DLG2: variants seen among roughly 807,000 people sequenced by gnomAD.
DLG2 encodes the protein disks large homolog 2.
A neutral mutation model predicts 132.5 loss-of-function variants in DLG2; 45 were observed. The observed-to-expected ratio is 0.34, with a 90% CI of 0.27 to 0.44. The LOEUF (loss-of-function observed/expected upper bound fraction) is 0.44, where lower values mean the gene tolerates loss of function less well. DLG2 is among the 20% of genes least tolerant of loss of function. The pLI is 1.00. For synonymous variants in DLG2, 424 were observed against 419.6 expected (o/e 1.01, Z -0.13); for missense variants, 1,045 against 1,196.9 (o/e 0.87, Z 1.87).
Position 84,128,142 on chromosome 11 carries a change from T to A in DLG2, c.625-29095A>T, listed in dbSNP as rs558309121. 5.3e-5 allele frequency among the ~76,000 whole-genome samples: 8 copies of A among 152,318 alleles called. No individual in the cohort carries two copies. In the East Asian group the frequency reaches 9.6e-4, roughly 18 times the overall value. ...GTTTAATAAATAAGTGTGGAATGAA[T>A]GGACTATAAGCCATTTAATAGGGGT... On this transcript the variant is annotated intron_variant, in intron 9 of 27. Coordinates refer to ENST00000376104, the MANE Select transcript of DLG2 (RefSeq NM_001142699.3).
chr11:85,408,674 A>G (rs2089018055), intron 3 of DLG2, among the ~76,000 whole-genome samples: 1 of 150,712 alleles, frequency 6.6e-6, no homozygotes, highest in African/African-American at 2.4e-5. Flanking sequence ...GCGATAGTTT[A>G]CTGAGAATGA....
At chr11:83,866,091 G>C (rs1179668615) in intron 16 of DLG2, among the ~76,000 whole-genome samples, 1 of 151,014 alleles carries the variant, frequency 6.6e-6, no homozygotes, top group African/African-American at 2.4e-5. Flanking sequence ...TTTTTTCACA[G>C]AGCTTGACAC....
intron 17 of DLG2, among the ~76,000 whole-genome samples, chr11:83,822,599 C>T (rs117323256): frequency 0.028 from 4,237 of 152,228 alleles, 84 homozygotes; most frequent in Middle Eastern, 0.082. Flanking sequence ...CCCACACTAA[C>T]GTGTAAGGTG....
intron 7 of DLG2, chr11:84,316,943 C>A (rs1056093089): frequency 6.2e-7 from 1 of 1,612,820 alleles, no homozygotes; most frequent in South Asian, 1.1e-5. Context: ...CCTGTTGAAG[C>A]TGGACCCCCC....
At chr11:83,810,853 G>A (rs1202000714) in intron 17 of DLG2, among the ~76,000 whole-genome samples, 2 of 152,066 alleles carry the variant, frequency 1.3e-5, no homozygotes. Context: ...GATAGCCTCT[G>A]TTCTTGAGGA....
At chr11:83,971,250 G>A (rs1012408653) in intron 12 of DLG2, among the ~76,000 whole-genome samples, 5 of 152,010 alleles carry the variant, frequency 3.3e-5, no homozygotes, top group Admixed American at 2.6e-4. Flanking sequence ...CCACACAGAC[G>A]GGGACATATG....
intron 6 of DLG2, among the ~76,000 whole-genome samples, chr11:84,741,343 C>T (rs1672880948): frequency 6.6e-6 from 1 of 152,004 alleles, no homozygotes. Context: ...CGTGAGCCAC[C>T]GCGCCCGGCC....
At chr11:85,581,490 C>T (rs2153228885) in intron 3 of DLG2, among the ~76,000 whole-genome samples, 1 of 151,010 alleles carries the variant, frequency 6.6e-6, no homozygotes, top group Admixed American at 6.6e-5. Context: ...TGGTGGCGTG[C>T]ACCTGTAGTC....
At chr11:84,524,248 T>C (rs1225031847) in intron 7 of DLG2, among the ~76,000 whole-genome samples, 4 of 152,214 alleles carry the variant, frequency 2.6e-5, no homozygotes, top group Non-Finnish European at 5.9e-5. Flanking sequence ...ATGACTTTGG[T>C]TCTAAAAAGA....
At chr11:85,369,754 G>T (rs1386016242) in intron 3 of DLG2, among the ~76,000 whole-genome samples, 2 of 152,130 alleles carry the variant, frequency 1.3e-5, no homozygotes, top group African/African-American at 4.8e-5. Flanking sequence ...TCCTAGCCCT[G>T]TCTCTTAAAG....
At chr11:84,540,426 AC>A (rs2099365607) in intron 6 of DLG2, among the ~76,000 whole-genome samples, 1 of 152,186 alleles carries the variant, frequency 6.6e-6, no homozygotes, top group South Asian at 2.1e-4. Flanking sequence ...TATGCAGCCA[AC>A]AGACACATGA....
chr11:83,871,806 A>G (rs528033377), intron 16 of DLG2, among the ~76,000 whole-genome samples: 2 of 152,366 alleles, frequency 1.3e-5, no homozygotes, highest in East Asian at 3.9e-4. Context: ...TTACATAAAC[A>G]AATACATATA....
chr11:83,783,458 T>A (rs2094918606), intron 18 of DLG2, among the ~76,000 whole-genome samples: 1 of 152,226 alleles, frequency 6.6e-6, no homozygotes, highest in Admixed American at 6.5e-5. Flanking sequence ...GCAATACACA[T>A]TTCTTTAGCA....
chr11:84,104,197 A>G (rs2154185147), intron 9 of DLG2, among the ~76,000 whole-genome samples: 1 of 152,228 alleles, frequency 6.6e-6, no homozygotes, highest in South Asian at 2.1e-4. Context: ...TCAATGGTGG[A>G]CTGAAAGAAA....
intron 3 of DLG2, among the ~76,000 whole-genome samples, chr11:85,371,433 T>G (rs2084965897): frequency 6.6e-6 from 1 of 152,228 alleles, no homozygotes; most frequent in Non-Finnish European, 1.5e-5. Context: ...CTCTAGAATT[T>G]AGAAACTATC....
chr11:83,769,397 A>G (rs1470672621), intron 18 of DLG2, among the ~76,000 whole-genome samples: 2 of 152,070 alleles, frequency 1.3e-5, no homozygotes, highest in Admixed American at 6.6e-5. Context: ...CATGAAGCTC[A>G]TAGTCTCTGG....
At position 84,517,770 on chromosome 11, in the gene DLG2, C is replaced by T. The variant is rs571789839; in HGVS notation, c.519+16800G>A. ...ACCTAAATGTTCATCAATGGATGAACGGATAAAGAAAATGTGGTATATGTA... is the reference window on the plus strand; with the variant it reads ...ACCTAAATGTTCATCAATGGATGAATGGATAAAGAAAATGTGGTATATGTA... On this transcript the variant is annotated intron_variant, in intron 7 of 27. Transcript: ENST00000376104. 3.2e-4 allele frequency among the ~76,000 whole-genome samples: 49 copies of T among 151,764 alleles called. 1 individual carries two copies. The highest frequency in any genetic ancestry group is 1.1e-3 in the African/African-American group (44 of 41,434).
At chr11:84,077,899 T>C (rs979376412) in intron 10 of DLG2, among the ~76,000 whole-genome samples, 3 of 152,186 alleles carry the variant, frequency 2.0e-5, no homozygotes, top group Admixed American at 1.3e-4. Flanking sequence ...AGCATACTTA[T>C]ATAAAACAAA....
chr11:83,825,092 T>G (rs926110676), intron 17 of DLG2, among the ~76,000 whole-genome samples: 1 of 147,726 alleles, frequency 6.8e-6, no homozygotes, highest in Non-Finnish European at 1.5e-5. Context: ...CACACATATA[T>G]ATACACATAT....
Sources: allele counts gnomAD v4.1 joint callset (sites outside exome capture counted in the v4.1 genomes callset), GRCh38; gene constraint gnomAD v4.1.1; transcripts MANE v1.5; gene names NCBI Gene and HGNC (gene_info 2026-07-23, HGNC 2026-07-21).